Variants in XKR4 observed in about 807,000 individuals in gnomAD.
XKR4 encodes XK-related protein 4.
In XKR4, 12 loss-of-function variants were observed where a neutral mutation model predicts 53.9. That is an observed-to-expected ratio of 0.22 (90% confidence interval 0.14 to 0.36). The LOEUF is 0.36. XKR4 is among the 10% of genes least tolerant of loss of function. The pLI is 1.00. For missense variants in XKR4, 799 were observed against 859.5 expected, an observed-to-expected ratio of 0.93 and a Z score of 0.88; for synonymous variants, 354 against 362.4, an observed-to-expected ratio of 0.98 and a Z score of 0.26.
intron 1 of XKR4, among the ~76,000 whole-genome samples, chr8:55,126,289 G>C (rs1816467816): frequency 6.6e-6 from 1 of 152,092 alleles, no homozygotes; most frequent in Non-Finnish European, 1.5e-5. Flanking sequence ...GTTCTTCTGG[G>C]GAAACAGTGA....
chr8:55,407,927 T>A (rs1425925969), intron 2 of XKR4, among the ~76,000 whole-genome samples: 1 of 152,194 alleles, frequency 6.6e-6, no homozygotes, highest in Non-Finnish European at 1.5e-5. Flanking sequence ...ACCATGAAAC[T>A]AGGGCAACGG....
intron 1 of XKR4, among the ~76,000 whole-genome samples, chr8:55,336,967 T>C (rs1337034193): frequency 1.3e-5 from 2 of 152,302 alleles, no homozygotes; most frequent in South Asian, 4.1e-4. Context: ...AAGCAAATAA[T>C]CCTAAACTTG....
intron 1 of XKR4, among the ~76,000 whole-genome samples, chr8:55,266,473 G>A (rs1011018468): frequency 6.6e-5 from 10 of 152,172 alleles, no homozygotes; most frequent in Middle Eastern, 3.4e-3. Context: ...AAGAGTGCCC[G>A]TGACATTTGC....
At chr8:55,256,280 G>A (rs1818438283) in intron 1 of XKR4, among the ~76,000 whole-genome samples, 1 of 152,172 alleles carries the variant, frequency 6.6e-6, no homozygotes, top group Non-Finnish European at 1.5e-5. Flanking sequence ...ACTTTATTCT[G>A]AACTTTCACT....
chr8:55,220,038 C>CTATAT (rs1295111074), intron 1 of XKR4, among the ~76,000 whole-genome samples: 1 of 152,060 alleles, frequency 6.6e-6, no homozygotes, highest in Non-Finnish European at 1.5e-5. Flanking sequence ...TTGTATGTTT[C>CTATAT]AAAATTGCTA....
intron 1 of XKR4, among the ~76,000 whole-genome samples, chr8:55,265,033 C>T (rs1290488312): frequency 6.6e-6 from 1 of 152,178 alleles, no homozygotes; most frequent in Non-Finnish European, 1.5e-5. Context: ...GACTTTGAAG[C>T]ATTTCTTTTG....
At chr8:55,413,173 CAAAG>C (rs1376028194) in intron 2 of XKR4, among the ~76,000 whole-genome samples, 3 of 152,182 alleles carry the variant, frequency 2.0e-5, no homozygotes, top group Admixed American at 6.5e-5. Context: ...GAAATGAAGA[CAAAG>C]AAATTAGTTG....
At chr8:55,217,689 T>A (rs1040683653) in intron 1 of XKR4, among the ~76,000 whole-genome samples, 21 of 152,178 alleles carry the variant, frequency 1.4e-4, no homozygotes, top group Non-Finnish European at 2.8e-4. Flanking sequence ...GAAGTTCAGG[T>A]AAGTATAATA....
intron 1 of XKR4, among the ~76,000 whole-genome samples, chr8:55,311,829 CAAAAAAAA>C (rs57826022): frequency 7.1e-5 from 7 of 98,604 alleles, no homozygotes; most frequent in Admixed American, 2.2e-4. Context: ...TGTAATTTAG[CAAAAAAAA>C]AAAAAAAAAA....
rs201880807 is a variant in XKR4, at chr8:55,332,218, T to C, written c.807-25460T>C. 4.6e-5 allele frequency among the ~76,000 whole-genome samples: 7 copies of C among 152,266 alleles called. No individual in the cohort carries two copies. The East Asian group carries it at 1.3e-3, about 29-fold the overall frequency. ...AACTACTCTTTTACAACTGTACTCATTCACTTTTTATTATGGATGTCACAA... is the reference window on the plus strand; with the variant it reads ...AACTACTCTTTTACAACTGTACTCACTCACTTTTTATTATGGATGTCACAA... On this transcript the variant is annotated intron_variant, in intron 1 of 2. Coordinates refer to ENST00000327381, the MANE Select transcript of XKR4 (RefSeq NM_052898.2).
At chr8:55,503,636 T>C (rs1478564880) in intron 2 of XKR4, among the ~76,000 whole-genome samples, 1 of 152,204 alleles carries the variant, frequency 6.6e-6, no homozygotes, top group Non-Finnish European at 1.5e-5. Flanking sequence ...CTACAAATTA[T>C]GTTATCTATT....
At chr8:55,231,065 G>A (rs889596992) in intron 1 of XKR4, among the ~76,000 whole-genome samples, 1 of 152,162 alleles carries the variant, frequency 6.6e-6, no homozygotes, top group Non-Finnish European at 1.5e-5. Context: ...TGAAGAGTTC[G>A]AAACTGACGT....
intron 1 of XKR4, among the ~76,000 whole-genome samples, chr8:55,103,891 A>ATATC (rs1300117555): frequency 3.2e-5 from 4 of 123,184 alleles, no homozygotes; most frequent in South Asian, 2.6e-4. Context: ...ATATATATAT[A>ATATC]TATCCCCGAG....
chr8:55,454,361 A>G lies in XKR4; in HGVS notation c.1007-68920A>G, dbSNP rs1013702959. ...GGCCTCCAGCAGCTGGGCCGGCAGG[A>G]TGGGCACATAGGTGAAGCTGTATCT... On this transcript the variant is annotated intron_variant, in intron 2 of 2. Transcript: ENST00000327381. 4 of 1,509,896 alleles carry G rather than the reference A, an allele frequency of 2.6e-6. No individual in the cohort carries two copies. The African/African-American group carries it at 5.5e-5, about 21-fold the overall frequency. The allele number at this position is 1,509,896 out of a possible 1,614,324, so 93.5% of individuals were successfully genotyped here.
intron 1 of XKR4, among the ~76,000 whole-genome samples, chr8:55,258,083 A>G: frequency 6.6e-6 from 1 of 152,170 alleles, no homozygotes. Flanking sequence ...TATGTTACTG[A>G]AAAAAACAGG....
At chr8:55,136,105 G>A (rs993892054) in intron 1 of XKR4, among the ~76,000 whole-genome samples, 1 of 152,116 alleles carries the variant, frequency 6.6e-6, no homozygotes, top group Non-Finnish European at 1.5e-5. Context: ...TGTTGGCCAG[G>A]CTGGCCTCAA....
At chr8:55,393,500 A>G (rs7825453) in intron 2 of XKR4, among the ~76,000 whole-genome samples, 10,391 of 152,170 alleles carry the variant, frequency 0.068, 897 homozygotes, top group African/African-American at 0.2. Flanking sequence ...AAAAATATTC[A>G]TAATAGTTGA....
intron 1 of XKR4, among the ~76,000 whole-genome samples, chr8:55,117,918 T>C (rs1469071432): frequency 1.3e-5 from 2 of 152,194 alleles, no homozygotes; most frequent in African/African-American, 4.8e-5. Flanking sequence ...GGACTCAAAT[T>C]TGAGTCTTCA....
At chr8:55,348,001 C>A (rs541276218) in intron 1 of XKR4, among the ~76,000 whole-genome samples, 1 of 152,156 alleles carries the variant, frequency 6.6e-6, no homozygotes, top group Non-Finnish European at 1.5e-5. Context: ...TGAGCCCCAA[C>A]CTCCACCCTA....
Sources: gnomAD v4.1 joint callset for allele counts (sites outside exome capture counted in the v4.1 genomes callset) on GRCh38, gnomAD v4.1.1 for gene constraint, MANE v1.5 for transcripts, NCBI Gene and HGNC (gene_info 2026-07-23, HGNC 2026-07-21) for gene names.